MAST4: variants seen among roughly 807,000 people sequenced by gnomAD.
The protein encoded by MAST4 is microtubule associated serine/threonine kinase family member 4.
Under a neutral mutation model 162.7 loss-of-function variants are expected in MAST4, and 89 were observed. The observed-to-expected ratio is 0.55, with a 90% CI of 0.46 to 0.65. The LOEUF is 0.65. Ranked by LOEUF, MAST4 falls within the 30% of genes least tolerant of loss-of-function variation. MAST4 has a pLI of 0.00. For missense variants in MAST4, 3,153 were observed against 3,374.0 expected (o/e 0.93, Z 1.62); for synonymous variants, 1,479 against 1,361.1 (o/e 1.09, Z -1.91).
At chr5:66,763,566 T>C (rs1179259388) in intron 2 of MAST4, among the ~76,000 whole-genome samples, 2 of 152,116 alleles carry the variant, frequency 1.3e-5, no homozygotes, top group African/African-American at 4.8e-5. Flanking sequence ...GGTACGCACA[T>C]AAAATGGAAA....
intron 1 of MAST4, among the ~76,000 whole-genome samples, chr5:66,632,469 G>A (rs1270931785): frequency 6.6e-6 from 1 of 151,836 alleles, no homozygotes; most frequent in African/African-American, 2.4e-5. Flanking sequence ...AAATGGGAAT[G>A]GCAGTGTTTG....
At chr5:66,788,605 C>CCCCCCG in intron 2 of MAST4, 65 bp from the exon 3 acceptor site, 1 of 1,344,526 alleles carries the variant, frequency 7.4e-7, no homozygotes, top group Non-Finnish European at 1.0e-6. Flanking sequence ...CACCCCCACC[C>CCCCCCG]CCATTGCAAT....
intron 1 of MAST4, among the ~76,000 whole-genome samples, chr5:66,666,986 C>T (rs1183984105): frequency 4.0e-5 from 6 of 151,020 alleles, no homozygotes; most frequent in South Asian, 2.1e-4. Flanking sequence ...AAAGAGGCGG[C>T]CTCTACAGTG....
chr5:67,145,050 T>C (rs1581712317), intron 22 of MAST4, 94 bp from the exon 23 acceptor site: 1 of 1,137,510 alleles, frequency 8.8e-7, no homozygotes, highest in East Asian at 2.6e-5. Context: ...GTTAGGCTTA[T>C]CCAAGTCCGA....
chr5:66,923,284 G>A (rs1320593303), intron 4 of MAST4, among the ~76,000 whole-genome samples: 1 of 152,172 alleles, frequency 6.6e-6, no homozygotes, highest in Non-Finnish European at 1.5e-5. Flanking sequence ...AAGAAACGCT[G>A]GGTATTTAAA....
In MAST4 at chr5:66,596,744, CCG is replaced by C; in HGVS notation, c.92_93del (p.Ala31ValfsTer92). Reference sequence around the variant, plus strand: ...CGGACTCCAGCCTCTGCGCTGGTCGCCGCGTCCTCTCCGGGTGCTTCCTCGGC... The same window carrying C: ...CGGACTCCAGCCTCTGCGCTGGTCGCCGTCCTCTCCGGGTGCTTCCTCGGC... On this transcript the variant is annotated frameshift_variant, in exon 1 of 29. Transcript: ENST00000403625. LOFTEE classifies it high-confidence loss of function. 1 of 1,408,552 alleles carries C rather than the reference CCG, an allele frequency of 7.1e-7. No homozygotes were observed. Among genetic ancestry groups the C allele is most frequent in the South Asian group, 1.7e-5 (1 of 57,756 alleles). The allele number at this position is 1,408,552 out of a possible 1,614,324, so 87.3% of individuals were successfully genotyped here.
intron 5 of MAST4, among the ~76,000 whole-genome samples, chr5:67,062,764 T>C (rs1421250462): frequency 1.3e-5 from 2 of 152,194 alleles, no homozygotes; most frequent in Non-Finnish European, 2.9e-5. Flanking sequence ...ATATTAACTT[T>C]CTTTTTTGTT....
intron 4 of MAST4, among the ~76,000 whole-genome samples, chr5:66,938,764 C>T (rs973438848): frequency 6.6e-6 from 1 of 152,144 alleles, no homozygotes; most frequent in African/African-American, 2.4e-5. Flanking sequence ...AAGATTGGTT[C>T]TTCCAGTGTG....
At chr5:66,959,587 G>T (rs1001014939) in intron 4 of MAST4, among the ~76,000 whole-genome samples, 6 of 152,340 alleles carry the variant, frequency 3.9e-5, no homozygotes, top group African/African-American at 1.4e-4. Flanking sequence ...AGGCCATGGT[G>T]TATCTGTCTT....
chr5:67,065,509 G>C (rs563041484), intron 5 of MAST4, among the ~76,000 whole-genome samples: 1 of 152,270 alleles, frequency 6.6e-6, no homozygotes, highest in African/African-American at 2.4e-5. Flanking sequence ...AAGGACTTGA[G>C]GCAGGGGCTC....
chr5:66,714,282 T>G (rs1460444337), intron 1 of MAST4, among the ~76,000 whole-genome samples: 2 of 152,258 alleles, frequency 1.3e-5, no homozygotes, highest in East Asian at 3.8e-4. Context: ...GGATATGTTC[T>G]TGGTGGCCTA....
chr5:66,683,999 CAT>C (rs1437524393), intron 1 of MAST4, among the ~76,000 whole-genome samples: 1 of 152,178 alleles, frequency 6.6e-6, no homozygotes, highest in African/African-American at 2.4e-5. Flanking sequence ...TGTCAGATCA[CAT>C]GAGTCGTGTG....
chr5:67,096,181 C>G (rs1764450100), intron 7 of MAST4, among the ~76,000 whole-genome samples: 1 of 151,384 alleles, frequency 6.6e-6, no homozygotes, highest in Non-Finnish European at 1.5e-5. Flanking sequence ...ATTAAAACAA[C>G]TTAGAAGAAG....
At chr5:66,778,356 C>T (rs1754698620) in intron 2 of MAST4, among the ~76,000 whole-genome samples, 1 of 152,082 alleles carries the variant, frequency 6.6e-6, no homozygotes, top group South Asian at 2.1e-4. Flanking sequence ...AGTTGGTGGC[C>T]AGGGCTGGGC....
chr5:67,001,244 C>G (rs115052096), intron 4 of MAST4: 93 of 152,330 alleles, frequency 6.1e-4, no homozygotes, highest in African/African-American at 1.8e-3. Flanking sequence ...GCTCTGCCTT[C>G]TGAATCATAT....
At chr5:66,709,450 G>T (rs1750353486) in intron 1 of MAST4, among the ~76,000 whole-genome samples, 2 of 152,012 alleles carry the variant, frequency 1.3e-5, no homozygotes, top group African/African-American at 4.8e-5. Context: ...CAACTAGCTG[G>T]GACTACAGGC....
intron 4 of MAST4, among the ~76,000 whole-genome samples, chr5:67,005,976 C>G (rs1751980388): frequency 6.6e-6 from 1 of 152,226 alleles, no homozygotes; most frequent in Non-Finnish European, 1.5e-5. Flanking sequence ...TGGAGCTTCA[C>G]AATCTCTATG....
At chr5:66,630,429 G>C (rs1471121333) in intron 1 of MAST4, among the ~76,000 whole-genome samples, 1 of 152,162 alleles carries the variant, frequency 6.6e-6, no homozygotes, top group African/African-American at 2.4e-5. Context: ...GATTTGCGGG[G>C]AGGTGACTTG....
chr5:66,902,624 CTT>C (rs1246881797), intron 4 of MAST4: 5 of 445,174 alleles, frequency 1.1e-5, no homozygotes, highest in Non-Finnish European at 2.3e-5. Flanking sequence ...TGAAGACTCT[CTT>C]GTTTTATATA....
Sources: allele counts gnomAD v4.1 joint callset (sites outside exome capture counted in the v4.1 genomes callset), GRCh38; gene constraint gnomAD v4.1.1; transcripts MANE v1.5; gene names NCBI Gene and HGNC (gene_info 2026-07-23, HGNC 2026-07-21).